The following CDKAL1 variants were observed in gnomAD, a reference collection of about 807,000 sequenced individuals.
CDKAL1 encodes the protein CDKAL1 threonylcarbamoyladenosine tRNA methylthiotransferase.
A neutral mutation model predicts 68.2 loss-of-function variants in CDKAL1; 32 were observed. The observed-to-expected ratio is 0.47, with a 90% CI of 0.35 to 0.63. CDKAL1 has a LOEUF of 0.63. CDKAL1 is among the 30% of genes least tolerant of loss of function. The pLI is 0.00. For synonymous variants in CDKAL1, 234 were observed against 244.3 expected (o/e 0.96, Z 0.39); for missense variants, 606 against 696.7 (o/e 0.87, Z 1.47).
intron 9 of CDKAL1, among the ~76,000 whole-genome samples, chr6:20,886,746 A>T (rs548118171): frequency 6.6e-6 from 1 of 152,158 alleles, no homozygotes; most frequent in South Asian, 2.1e-4. Flanking sequence ...GAAGGGAGGA[A>T]TGGGGAGTTA....
chr6:21,119,670 A>G (rs570599676), intron 13 of CDKAL1, among the ~76,000 whole-genome samples: 215 of 152,028 alleles, frequency 1.4e-3, no homozygotes, highest in Non-Finnish European at 2.4e-3. Context: ...ACCATTCTTT[A>G]TACTTATATT....
intron 7 of CDKAL1, among the ~76,000 whole-genome samples, chr6:20,759,709 T>C (rs570309092): frequency 2.0e-5 from 3 of 152,356 alleles, no homozygotes; most frequent in Admixed American, 6.5e-5. Context: ...TAAGCTTTGC[T>C]TATTTTGTTA....
At chr6:20,975,110 G>T (rs1038725225) in intron 10 of CDKAL1, among the ~76,000 whole-genome samples, 1 of 151,742 alleles carries the variant, frequency 6.6e-6, no homozygotes, top group Admixed American at 6.6e-5. Flanking sequence ...TACCTCAGAA[G>T]TTCCATTTGT....
At chr6:20,928,870 A>G (rs1375418542) in intron 9 of CDKAL1, among the ~76,000 whole-genome samples, 2 of 152,082 alleles carry the variant, frequency 1.3e-5, no homozygotes, top group Non-Finnish European at 2.9e-5. Context: ...TTAATACTGT[A>G]GAATTGAAAA....
chr6:20,774,596 TAGAC>T (rs1775094923), intron 7 of CDKAL1, among the ~76,000 whole-genome samples: 5 of 152,236 alleles, frequency 3.3e-5, no homozygotes, highest in Non-Finnish European at 2.9e-5. Flanking sequence ...TGAAGATCGA[TAGAC>T]AGCATTGAAC....
chr6:20,863,427 G>T (rs1160022975), intron 9 of CDKAL1, among the ~76,000 whole-genome samples: 1 of 151,846 alleles, frequency 6.6e-6, no homozygotes, highest in African/African-American at 2.4e-5. Context: ...GACCCCTTGG[G>T]TCTTACTTAT....
At chr6:21,146,877 C>T (rs1304766565) in intron 13 of CDKAL1, among the ~76,000 whole-genome samples, 7 of 145,394 alleles carry the variant, frequency 4.8e-5, no homozygotes, top group Admixed American at 4.7e-4. Context: ...AAAAAAGATA[C>T]TCTTGAGTTT....
intron 9 of CDKAL1, among the ~76,000 whole-genome samples, chr6:20,893,562 A>T (rs957105179): frequency 1.3e-5 from 2 of 152,212 alleles, no homozygotes; most frequent in Admixed American, 6.5e-5. Context: ...GGGCATAGTT[A>T]CATTTATTTA....
chr6:21,061,482 T>C (rs1449875086), intron 11 of CDKAL1, among the ~76,000 whole-genome samples: 1 of 152,150 alleles, frequency 6.6e-6, no homozygotes, highest in Non-Finnish European at 1.5e-5. Flanking sequence ...GAAATGATTA[T>C]TTTAAAAATT....
At chr6:20,542,336 T>C (rs1456108601) in intron 2 of CDKAL1, among the ~76,000 whole-genome samples, 2 of 152,228 alleles carry the variant, frequency 1.3e-5, no homozygotes, top group African/African-American at 4.8e-5. Context: ...AAGTAGGTAG[T>C]AGAGTACCAC....
chr6:20,880,256 T>G (rs1581752932), intron 9 of CDKAL1, among the ~76,000 whole-genome samples: 1 of 31,776 alleles, frequency 3.1e-5, no homozygotes, highest in Admixed American at 2.9e-4. Flanking sequence ...AGAAACTACA[T>G]TTTTTTTTGC....
intron 10 of CDKAL1, among the ~76,000 whole-genome samples, chr6:20,995,621 A>G (rs1233033096): frequency 6.6e-6 from 1 of 152,166 alleles, no homozygotes; most frequent in Non-Finnish European, 1.5e-5. Flanking sequence ...AATATCCAGT[A>G]AACCATGCTG....
intron 10 of CDKAL1, among the ~76,000 whole-genome samples, chr6:20,971,185 C>G (rs1054095386): frequency 3.9e-5 from 6 of 152,188 alleles, no homozygotes; most frequent in African/African-American, 1.4e-4. Flanking sequence ...TATTAAGAAC[C>G]AAATCAAATA....
intron 11 of CDKAL1, among the ~76,000 whole-genome samples, chr6:21,011,142 G>C (rs541920113): frequency 6.6e-6 from 1 of 151,386 alleles, no homozygotes; most frequent in East Asian, 1.9e-4. Context: ...ACTTTGGGAG[G>C]CCAAGGCGGG....
At chr6:20,561,103 A>G (rs1338272452) in intron 4 of CDKAL1, among the ~76,000 whole-genome samples, 1 of 151,982 alleles carries the variant, frequency 6.6e-6, no homozygotes, top group Admixed American at 6.6e-5. Context: ...TGTCTTTCTC[A>G]TCTTTACCTT....
chr6:21,133,638 A>G (rs1046163307), intron 13 of CDKAL1, among the ~76,000 whole-genome samples: 3 of 152,222 alleles, frequency 2.0e-5, no homozygotes, highest in Non-Finnish European at 1.5e-5. Flanking sequence ...TGAACTAAGA[A>G]AGTGTAGACA....
chr6:20,725,881 T>C (rs1257987139), intron 5 of CDKAL1, among the ~76,000 whole-genome samples: 2 of 151,928 alleles, frequency 1.3e-5, no homozygotes, highest in Admixed American at 1.3e-4. Context: ...ATCTAGGGTG[T>C]CACACCCTAC....
chr6:20,617,285 AG>A (rs1581831503), intron 4 of CDKAL1, among the ~76,000 whole-genome samples: 2 of 79,568 alleles, frequency 2.5e-5, no homozygotes, highest in African/African-American at 6.8e-5. Context: ...TGATTTTCCT[AG>A]GGGGCCACTT....
chr6:21,216,577 G>C (rs1229140069), intron 15 of CDKAL1, among the ~76,000 whole-genome samples: 1 of 152,188 alleles, frequency 6.6e-6, no homozygotes, highest in Non-Finnish European at 1.5e-5. Flanking sequence ...GATGGGTGGG[G>C]AACACCTAAG....
Sources: allele counts gnomAD v4.1 joint callset (sites outside exome capture counted in the v4.1 genomes callset), GRCh38; gene constraint gnomAD v4.1.1; transcripts MANE v1.5; gene names NCBI Gene and HGNC (gene_info 2026-07-23, HGNC 2026-07-21).